Variants in TMEM45A observed in about 807,000 individuals in gnomAD.
TMEM45A encodes the protein DNA polymerase-transactivated protein 4.
Under a neutral mutation model 32.0 loss-of-function variants are expected in TMEM45A, and 25 were observed. The observed-to-expected ratio is 0.78, with a 90% CI of 0.57 to 1.09. The LOEUF (loss-of-function observed/expected upper bound fraction) is 1.09. Ranked by LOEUF, TMEM45A falls within the 50% of genes least tolerant of loss-of-function variation. The pLI is 0.00. For missense variants in TMEM45A, 302 were observed against 325.0 expected, an observed-to-expected ratio of 0.93 and a Z score of 0.54; for synonymous variants, 122 against 114.8, an observed-to-expected ratio of 1.06 and a Z score of -0.40.
intron 1 of TMEM45A, among the ~76,000 whole-genome samples, chr3:100,520,467 A>G (rs952731975): frequency 2.0e-5 from 3 of 152,210 alleles, no homozygotes; most frequent in African/African-American, 7.2e-5. Context: ...TGCTAGTTAA[A>G]GGATACCTTG....
intron 1 of TMEM45A, among the ~76,000 whole-genome samples, chr3:100,532,190 A>G (rs918562145): frequency 6.6e-6 from 1 of 152,158 alleles, no homozygotes; most frequent in Non-Finnish European, 1.5e-5. Flanking sequence ...AACACCCTGG[A>G]ACACTCAGAG....
intron 1 of TMEM45A, among the ~76,000 whole-genome samples, chr3:100,495,037 G>A (rs1228470985): frequency 6.6e-6 from 1 of 152,196 alleles, no homozygotes; most frequent in East Asian, 1.9e-4. Flanking sequence ...CTCACTCTTT[G>A]TTATCTTCCT....
intron 1 of TMEM45A, among the ~76,000 whole-genome samples, chr3:100,501,447 CA>C (rs1708006640): frequency 6.6e-6 from 1 of 152,186 alleles, no homozygotes; most frequent in African/African-American, 2.4e-5. Context: ...GCTAAAGTTC[CA>C]AACCCTCACA....
chr3:100,525,788 C>T (rs1358102627), intron 1 of TMEM45A, among the ~76,000 whole-genome samples: 1 of 152,152 alleles, frequency 6.6e-6, no homozygotes, highest in East Asian at 1.9e-4. Context: ...CTTTTCAGAG[C>T]TTGTGGTACG....
At chr3:100,548,202 C>A (rs1706018812) in intron 1 of TMEM45A, among the ~76,000 whole-genome samples, 1 of 152,158 alleles carries the variant, frequency 6.6e-6, no homozygotes, top group South Asian at 2.1e-4. Flanking sequence ...TGGTCACATG[C>A]TAAGCCTAAT....
chr3:100,561,370 A>G (rs1200790603), intron 4 of TMEM45A, among the ~76,000 whole-genome samples: 1 of 152,216 alleles, frequency 6.6e-6, no homozygotes, highest in Admixed American at 6.5e-5. Context: ...CTGTGTATAG[A>G]GGGATTAGAT....
intron 1 of TMEM45A, among the ~76,000 whole-genome samples, chr3:100,532,251 G>A (rs555813086): frequency 6.6e-6 from 1 of 152,258 alleles, no homozygotes; most frequent in African/African-American, 2.4e-5. Flanking sequence ...TGCTCTCCCC[G>A]ACATCATGTT....
intron 4 of TMEM45A, among the ~76,000 whole-genome samples, chr3:100,559,881 C>T (rs991296366): frequency 6.6e-6 from 1 of 151,884 alleles, no homozygotes; most frequent in African/African-American, 2.4e-5. Flanking sequence ...AAGTAGAAAA[C>T]ACTAACTGCA....
At chr3:100,508,698 A>T (rs1414969898) in intron 1 of TMEM45A, among the ~76,000 whole-genome samples, 2 of 152,158 alleles carry the variant, frequency 1.3e-5, no homozygotes, top group Non-Finnish European at 2.9e-5. Context: ...CATCAAAAAC[A>T]TATATTGGGG....
At chr3:100,569,723 CTCCTCTTCCTTAT>C (rs1332158763) in intron 5 of TMEM45A, among the ~76,000 whole-genome samples, 1 of 148,278 alleles carries the variant, frequency 6.7e-6, no homozygotes, top group Non-Finnish European at 1.5e-5. Flanking sequence ...TTTCCTCCCT[CTCCTCTTCCTTAT>C]TCCTCTTTGG....
intron 1 of TMEM45A, among the ~76,000 whole-genome samples, chr3:100,544,047 C>T (rs893045867): frequency 2.7e-5 from 4 of 150,824 alleles, no homozygotes; most frequent in African/African-American, 9.8e-5. Flanking sequence ...TAACTATTAG[C>T]TAATATTTGG....
intron 4 of TMEM45A, among the ~76,000 whole-genome samples, chr3:100,564,577 G>C (rs201013131): frequency 6.6e-6 from 1 of 151,498 alleles, no homozygotes; most frequent in Non-Finnish European, 1.5e-5. Flanking sequence ...TCCACCTCCC[G>C]GGTTCAAGCG....
At chr3:100,544,185 T>C (rs1040817093) in intron 1 of TMEM45A, among the ~76,000 whole-genome samples, 1 of 152,062 alleles carries the variant, frequency 6.6e-6, no homozygotes, top group African/African-American at 2.4e-5. Context: ...GATGGAGTGG[T>C]GGATCCACAG....
intron 1 of TMEM45A, among the ~76,000 whole-genome samples, chr3:100,522,276 T>G (rs1705451589): frequency 6.6e-6 from 1 of 152,144 alleles, no homozygotes; most frequent in Non-Finnish European, 1.5e-5. Context: ...GACCTGTGAG[T>G]CACAGCTGTG....
At chr3:100,563,468 A>T (rs1342702070) in intron 4 of TMEM45A, among the ~76,000 whole-genome samples, 2 of 152,192 alleles carry the variant, frequency 1.3e-5, no homozygotes, top group Admixed American at 6.5e-5. Flanking sequence ...CACTTCCCAG[A>T]TCGCAGGTCA....
chr3:100,558,655 A>G (rs529906081), intron 4 of TMEM45A, 66 bp downstream of exon 4: 11 of 1,545,370 alleles, frequency 7.1e-6, no homozygotes, highest in Admixed American at 1.8e-5. Flanking sequence ...TTATTTGATG[A>G]GGCAGTTTGC....
chr3:100,505,177 G>A (rs1018560905), intron 1 of TMEM45A, among the ~76,000 whole-genome samples: 4 of 152,166 alleles, frequency 2.6e-5, no homozygotes, highest in Admixed American at 2.6e-4. Context: ...TGGGTTTAGT[G>A]CTTGCTGCCC....
Position 100,493,581 on chromosome 3 carries a change from G to GTA in TMEM45A, c.-4+662_-4+663dup, listed in dbSNP as rs571111143. ...CTTGTGTGTTCATAAACTTATAATT[G>GTA]TATATATATACTATATAGTATATAT... On this transcript the variant is annotated intron_variant, in intron 1 of 5. Coordinates refer to ENST00000323523, the MANE Select transcript of TMEM45A (RefSeq NM_018004.3). 4.0e-3 allele frequency among the ~76,000 whole-genome samples: 598 copies of GTA among 151,134 alleles called. 2 individuals are homozygous for GTA. The highest frequency in any genetic ancestry group is 9.0e-3 in the African/African-American group (372 of 41,128).
chr3:100,493,141 T>G (rs1303659496), intron 1 of TMEM45A, among the ~76,000 whole-genome samples: 2 of 115,768 alleles, frequency 1.7e-5, no homozygotes, highest in Admixed American at 9.1e-5. Context: ...TTTTTTTTTT[T>G]TGGTGAGCTA....
Sources: gnomAD v4.1 joint callset for allele counts (sites outside exome capture counted in the v4.1 genomes callset) on GRCh38, gnomAD v4.1.1 for gene constraint, MANE v1.5 for transcripts, NCBI Gene and HGNC (gene_info 2026-07-23, HGNC 2026-07-21) for gene names.